Variants in SLX4 observed in about 807,000 individuals in gnomAD.
The protein encoded by SLX4 is SLX4 structure-specific endonuclease subunit.
In SLX4, 112 loss-of-function variants were observed where a neutral mutation model predicts 146.2. The observed-to-expected ratio is 0.77, with a 90% confidence interval of 0.66 to 0.90. The LOEUF (loss-of-function observed/expected upper bound fraction) is 0.90, where lower values mean the gene tolerates loss of function less well. Among genes scored for constraint, SLX4 ranks in the 40% least tolerant of loss-of-function variants. The pLI is 0.00. For missense variants in SLX4, 2,563 were observed against 2,392.7 expected (o/e 1.07, Z -1.49); for synonymous variants, 1,061 against 997.7 (o/e 1.06, Z -1.20).
intron 11 of SLX4, among the ~76,000 whole-genome samples, chr16:3,591,532 A>C (rs149967365): frequency 1.4e-3 from 219 of 152,264 alleles, no homozygotes; most frequent in Non-Finnish European, 2.4e-3. Flanking sequence ...GGGCTTCCTA[A>C]CTATAGCTGC....
chr16:3,581,235 A>G lies in SLX4; in HGVS notation c.*1107T>C, dbSNP rs2040431976. ...CATCATATAAAACTGACTGCACTGT[A>G]TTTGAAACAGACGAGGACATTCACA... On this transcript the variant is annotated 3_prime_UTR_variant, in exon 15 of 15. Transcript: ENST00000294008. The G allele has an allele frequency of 6.6e-6, 1 of 152,664 alleles. No individual in the cohort carries two copies. Among genetic ancestry groups the G allele is most frequent in the South Asian group, 2.1e-4 (1 of 4,830 alleles). 9.5% of individuals were successfully genotyped at this position (152,664 alleles called of 1,614,324 possible). A position where few individuals can be genotyped will look rare whatever the true frequency, so the allele number is the denominator to read the frequency against.
At chr16:3,605,943 T>A (rs1403232242) in intron 3 of SLX4, among the ~76,000 whole-genome samples, 3 of 78,296 alleles carry the variant, frequency 3.8e-5, no homozygotes, top group African/African-American at 1.2e-4. Flanking sequence ...CGAGACTCCA[T>A]CTCAAAAAAA....
chr16:3,596,142 C>T lies in SLX4; in HGVS notation c.1924+11G>A. Reference sequence around the variant, plus strand: ...GCAGGGCTGGCCCTAGAGTCCCACCCAGCATCTCACCTGCAGTCCCTTCCG... The same window carrying T: ...GCAGGGCTGGCCCTAGAGTCCCACCTAGCATCTCACCTGCAGTCCCTTCCG... On this transcript the variant is annotated intron_variant, in intron 8 of 14. Transcript: ENST00000294008. 1 of 1,548,350 alleles carries T rather than the reference C, an allele frequency of 6.5e-7. No homozygotes were observed. The highest frequency in any genetic ancestry group is 1.4e-5 in the African/African-American group (1 of 73,286).
intron 12 of SLX4, among the ~76,000 whole-genome samples, chr16:3,588,624 G>A (rs974626139): frequency 1.3e-5 from 2 of 152,162 alleles, no homozygotes; most frequent in Non-Finnish European, 2.9e-5. Flanking sequence ...GTCAATCTAC[G>A]GTTAACATTC....
At chr16:3,610,555 G>C (rs1457981049) in intron 1 of SLX4, among the ~76,000 whole-genome samples, 1 of 152,302 alleles carries the variant, frequency 6.6e-6, no homozygotes, top group African/African-American at 2.4e-5. Flanking sequence ...GGAAACACGC[G>C]CAAGCAGAAT....
chr16:3,597,840 G>A lies in SLX4; in HGVS notation c.1323C>T (p.Leu441=), dbSNP rs373727514. 3 of 1,614,002 alleles carry A rather than the reference G, an allele frequency of 1.9e-6. No individual in the cohort carries two copies. The highest frequency in any genetic ancestry group is 2.7e-5 in the African/African-American group (2 of 74,920). ...EMEPGAAVPA[L]RLESAFSERI... ...TCTCAGAAAAGGCACTTTCCAGCCT[G>A]AGCGCTGGTACAGCCGCACCCGGCT... Residue 441 remains leucine, a synonymous_variant, in exon 6 of 15, where the codon CTC becomes CTT. Transcript: ENST00000294008. This position sits in a 1 kb window ranked among gnomAD's most constrained non-coding sequence, Gnocchi z 4.4.
Position 3,582,260 on chromosome 16 carries a change from G to T in SLX4, c.*82C>A. 7.8e-7 allele frequency: 1 copy of T among 1,277,090 alleles called. No homozygotes were observed. Among genetic ancestry groups the T allele is most frequent in the East Asian group, 2.4e-5 (1 of 41,300 alleles). The allele number at this position is 1,277,090 out of a possible 1,614,324, so 79.1% of individuals were successfully genotyped here. ...AAATGCCTGTGGAGGCCTGACCCACGCTGGGTGTCCCAGGTCCTCCCTGCA... is the reference window on the plus strand; with the variant it reads ...AAATGCCTGTGGAGGCCTGACCCACTCTGGGTGTCCCAGGTCCTCCCTGCA... On this transcript the variant is annotated 3_prime_UTR_variant, in exon 15 of 15. Transcript: ENST00000294008.
chr16:3,595,841 C>G, intron 8 of SLX4, 148 bp from the exon 9 acceptor site: 1 of 974,588 alleles, frequency 1.0e-6, no homozygotes, highest in Non-Finnish European at 1.6e-6. Context: ...AAAGCAAACC[C>G]GCACACCCTG....
chr16:3,589,918 G>A lies in SLX4; in HGVS notation c.3720C>T (p.Asp1240=), dbSNP rs775595757. 12 of 1,613,888 alleles carry A rather than the reference G, an allele frequency of 7.4e-6. No individual in the cohort carries two copies. The highest frequency in any genetic ancestry group is 1.1e-5 in the South Asian group (1 of 91,078). ...GRRGAPWLFC[D]RESSPSEAST... is the part of the protein sequence containing the mutation. ...TGGCCTCGCTGGGGCTGCTCTCACG[G>A]TCACAGAACAGCCAGGGAGCCCCTC... The change falls in exon 12 of 15, where the codon GAC becomes GAT. Residue 1240 remains aspartate (D), a synonymous_variant. Transcript: ENST00000294008. The surrounding 1 kb of genome is among the most constrained non-coding windows in gnomAD (Gnocchi z 6.2).
chr16:3,583,826 G>C (rs928729503), intron 13 of SLX4, among the ~76,000 whole-genome samples: 1 of 151,716 alleles, frequency 6.6e-6, no homozygotes, highest in African/African-American at 2.4e-5. Flanking sequence ...AACATAGCAA[G>C]ACCCCGCCTC....
chr16:3,602,162 G>A lies in SLX4; in HGVS notation c.906C>T (p.Asn302=), dbSNP rs1397863706. The A allele has an allele frequency of 7.4e-6, 12 of 1,614,100 alleles. No individual in the cohort carries two copies. Among genetic ancestry groups the A allele is most frequent in the Non-Finnish European group, 1.0e-5 (12 of 1,180,014 alleles). Residue 302 remains asparagine, a synonymous_variant, in exon 4 of 15, where the codon AAC becomes AAT. Coordinates refer to ENST00000294008, the MANE Select transcript of SLX4 (RefSeq NM_032444.4). ...TTCGGGTCACGTTCATGGCTGAGAG[G>A]TTCTTTTGACAAATCTGGCAGAAGA... ...GLFFCQICQK[N]LSAMNVTRRE... is the part of the protein sequence containing the mutation.
rs748574820 is a variant in SLX4, at chr16:3,595,624, T to C, written c.1994A>G (p.Asp665Gly). Residue 665 changes from aspartate (D) to glycine (G), a missense_variant, in exon 9 of 15, where the codon GAC (aspartate) becomes GGC (glycine). Asp to Gly is a moderately conservative substitution (Grantham distance 94). Transcript: ENST00000294008. ...TCTTACCAAGGTGCGGCCGCCCCTG[T>C]CCGGGTGCTTGTCCTGCGATGGCAC... ...FVVPSQDKHP[D>G]RGGRTLLSLG... is the part of the protein sequence containing the mutation. 1.2e-5 allele frequency: 20 copies of C among 1,613,802 alleles called. No homozygotes were observed. Among genetic ancestry groups the C allele is most frequent in the Non-Finnish European group, 1.4e-5 (16 of 1,180,018 alleles).
chr16:3,607,578 G>C (rs2040800874), intron 2 of SLX4, among the ~76,000 whole-genome samples: 2 of 152,130 alleles, frequency 1.3e-5, no homozygotes, highest in South Asian at 4.1e-4. Context: ...CAGCTACTCG[G>C]GAGGCTGAGG....
intron 1 of SLX4, among the ~76,000 whole-genome samples, chr16:3,611,125 C>T (rs969757775): frequency 6.6e-6 from 1 of 152,230 alleles, no homozygotes; most frequent in African/African-American, 2.4e-5. Flanking sequence ...TGCTTCGTAC[C>T]TACCGCAGCC....
chr16:3,605,772 C>T (rs2040774767), intron 3 of SLX4, among the ~76,000 whole-genome samples: 1 of 150,208 alleles, frequency 6.7e-6, no homozygotes, highest in South Asian at 2.1e-4. Context: ...AAGGTGAAAC[C>T]TTGTCTCTAC....
chr16:3,586,842 G>A (rs1231135666), intron 12 of SLX4, among the ~76,000 whole-genome samples: 1 of 151,288 alleles, frequency 6.6e-6, no homozygotes, highest in Non-Finnish European at 1.5e-5. Context: ...AGAATAAAAA[G>A]GAATAAAATA....
chr16:3,601,152 C>A lies in SLX4; in HGVS notation c.990G>T (p.Val330=). 1 of 1,614,120 alleles carries A rather than the reference C, an allele frequency of 6.2e-7. No homozygotes were observed. Among genetic ancestry groups the A allele is most frequent in the Non-Finnish European group, 8.5e-7 (1 of 1,180,032 alleles). The change falls in exon 5 of 15, where the codon GTG becomes GTT. Residue 330 remains valine, a synonymous_variant. Transcript: ENST00000294008. ...AAATCGGGCACTCAGGGATCTGAGG[C>A]ACAGAAGGTCTTAGTGTCTTTTCAG... ...DEAEKTLRPS[V]PQIPECPICG...
chr16:3,597,657 G>T lies in SLX4; in HGVS notation c.1405C>A (p.Pro469Thr), dbSNP rs763833617. 23 of 1,613,898 alleles carry T rather than the reference G, an allele frequency of 1.4e-5. No individual in the cohort carries two copies. Among genetic ancestry groups the T allele is most frequent in the Admixed American group, 3.3e-5 (2 of 60,000 alleles). The change falls in exon 7 of 15, where the codon CCA (proline) becomes ACA (threonine). Residue 469 changes from proline to threonine, a missense_variant. Transcript: ENST00000294008. The surrounding 1 kb of genome is among the most constrained non-coding windows in gnomAD (Gnocchi z 4.4). The part of the protein sequence containing the change: ...SRKKKPPVSP[P>T]LLLVQDSETT... ...TCAGAGTCCTGGACTAACAACAATG[G>T]GGGGGATACCGGGGGTTTCTTCTTG...
At chr16:3,595,564 A>G in intron 9 of SLX4, 41 bp downstream of exon 9, 1 of 1,607,488 alleles carries the variant, frequency 6.2e-7, no homozygotes, top group East Asian at 2.2e-5. Flanking sequence ...GGCAAGTGGG[A>G]TGGCCGGGAC....
Sources: allele counts gnomAD v4.1 joint callset (sites outside exome capture counted in the v4.1 genomes callset), GRCh38; gene constraint gnomAD v4.1.1; non-coding constraint Gnocchi (gnomAD v3.1); transcripts MANE v1.5; gene names NCBI Gene and HGNC (gene_info 2026-07-23, HGNC 2026-07-21).